Variants in ERI3 observed in about 807,000 individuals in gnomAD.
The protein encoded by ERI3 is ERI1 exoribonuclease family member 3.
A neutral mutation model predicts 44.4 loss-of-function variants in ERI3; 18 were observed. The ratio of observed to expected loss-of-function variants is 0.41; its 90% CI spans 0.28 to 0.60. The LOEUF is 0.60. Among genes scored for constraint, ERI3 ranks in the 20% least tolerant of loss-of-function variants. The pLI is 0.36. For synonymous variants in ERI3, 183 were observed against 164.8 expected (o/e 1.11, Z -0.84); for missense variants, 294 against 435.5 (o/e 0.68, Z 2.89).
chr1:44,269,866 C>T (rs1052409388), intron 7 of ERI3, among the ~76,000 whole-genome samples: 5 of 152,186 alleles, frequency 3.3e-5, no homozygotes, highest in Non-Finnish European at 5.9e-5. Context: ...AAAATAGGGA[C>T]AATAGCCCTC....
At position 44,241,993 on chromosome 1, in the gene ERI3, T is replaced by C. The variant is rs1004147186; in HGVS notation, c.931+5946A>G. On this transcript the variant is annotated intron_variant, in intron 8 of 8. Transcript: ENST00000372257. This position sits in a 1 kb window ranked among gnomAD's most constrained non-coding sequence, Gnocchi z 5.6. ...GTCTGGCAAGAACCAATTCCTCAGA[T>C]GTCTCTGGGGCTCCAAGGGGGTCAG... 3 of 985,576 alleles carry C rather than the reference T, an allele frequency of 3.0e-6. No individual in the cohort carries two copies. In the African/African-American group the frequency reaches 5.2e-5, roughly 17 times the overall value. The allele number at this position is 985,576 out of a possible 1,614,324, so 61.1% of individuals were successfully genotyped here.
intron 7 of ERI3, among the ~76,000 whole-genome samples, chr1:44,260,251 T>C (rs1389782479): frequency 6.6e-6 from 1 of 152,006 alleles, no homozygotes; most frequent in African/African-American, 2.4e-5. Context: ...AGACCCACAG[T>C]AGGGATTGAG....
intron 6 of ERI3, among the ~76,000 whole-genome samples, chr1:44,302,502 A>G (rs1645747785): frequency 6.6e-6 from 1 of 152,210 alleles, no homozygotes; most frequent in Non-Finnish European, 1.5e-5. Context: ...ACATAAATAC[A>G]GAATAGAGGT....
intron 7 of ERI3, among the ~76,000 whole-genome samples, 160 bp from the exon 8 acceptor site, chr1:44,248,198 C>G (rs1270373167): frequency 6.6e-6 from 1 of 152,056 alleles, no homozygotes; most frequent in African/African-American, 2.4e-5. Context: ...TCCCCAGACC[C>G]AGCAGAAACT....
chr1:44,247,625 C>T (rs1164075100), intron 8 of ERI3, among the ~76,000 whole-genome samples: 1 of 152,142 alleles, frequency 6.6e-6, no homozygotes, highest in African/African-American at 2.4e-5. Flanking sequence ...TGACATGTCC[C>T]CACCCACTGA....
rs201463005 is a variant in ERI3 at position 44,284,911 on chromosome 1, C to A, written c.759-4G>T. On this transcript the variant is annotated splice_region_variant and splice_polypyrimidine_tract_variant and intron_variant, in intron 6 of 8. Transcript: ENST00000372257. Reference sequence around the variant, plus strand: ...GTACTGGCACTGGCCTGGGAGCCTACAAAAAAAAGGGAAGAGAGAACAAGT... The same window carrying A: ...GTACTGGCACTGGCCTGGGAGCCTAAAAAAAAAAGGGAAGAGAGAACAAGT... The A allele has an allele frequency of 6.2e-7, 1 of 1,607,670 alleles. No homozygotes were observed. Among genetic ancestry groups the A allele is most frequent in the Admixed American group, 1.7e-5 (1 of 59,040 alleles).
At chr1:44,254,994 TTC>T (rs1644753321) in intron 7 of ERI3, among the ~76,000 whole-genome samples, 2 of 152,044 alleles carry the variant, frequency 1.3e-5, no homozygotes. Flanking sequence ...TTCACATAAC[TTC>T]TCTGTGTCTT....
At chr1:44,285,022 C>T in intron 6 of ERI3, 115 bp from the exon 7 acceptor site, 2 of 832,470 alleles carry the variant, frequency 2.4e-6, no homozygotes, top group East Asian at 2.6e-5. Context: ...AAAGGTCAAC[C>T]CATTAGCCAT....
At position 44,221,776 on chromosome 1, in the gene ERI3, C is replaced by T. The variant is rs1643903266; in HGVS notation, c.932-136G>A. The T allele has an allele frequency of 1.5e-6, 1 of 673,508 alleles. No individual in the cohort carries two copies. Among genetic ancestry groups the T allele is most frequent in the Middle Eastern group, 3.0e-4 (1 of 3,384 alleles). 41.7% of individuals were successfully genotyped at this position (673,508 alleles called of 1,614,324 possible). A position where few individuals can be genotyped will look rare whatever the true frequency, so the allele number is the denominator to read the frequency against. ...GCTTTAGAGAGGGTGGTCCCATCCC[C>T]TGGTGGCAGCATTCCTAGCTTCAGG... On this transcript the variant is annotated intron_variant, in intron 8 of 8. Coordinates refer to ENST00000372257, the MANE Select transcript of ERI3 (RefSeq NM_024066.3). The surrounding 1 kb of genome is among the most constrained non-coding windows in gnomAD (Gnocchi z 5.9).
chr1:44,229,742 G>A (rs993823023), intron 8 of ERI3, among the ~76,000 whole-genome samples: 7 of 139,684 alleles, frequency 5.0e-5, no homozygotes, highest in Non-Finnish European at 7.7e-5. Context: ...GCCTGGAAGC[G>A]GGAGCGGAGT....
chr1:44,310,776 A>G (rs1645938140), intron 5 of ERI3, among the ~76,000 whole-genome samples: 1 of 152,088 alleles, frequency 6.6e-6, no homozygotes, highest in Non-Finnish European at 1.5e-5. Flanking sequence ...CCAGAATATC[A>G]GAGCTGCTCC....
intron 7 of ERI3, among the ~76,000 whole-genome samples, chr1:44,264,587 C>T (rs1644954851): frequency 6.6e-6 from 1 of 152,226 alleles, no homozygotes; most frequent in African/African-American, 2.4e-5. Context: ...GTGGGGTCTC[C>T]TCCCTCCTTC....
intron 5 of ERI3, among the ~76,000 whole-genome samples, chr1:44,310,584 T>C (rs1645933306): frequency 6.6e-6 from 1 of 152,138 alleles, no homozygotes; most frequent in African/African-American, 2.4e-5. Flanking sequence ...CGGCCTCGTG[T>C]GCTCAGCAGG....
rs933370799 is a variant in ERI3 at position 44,221,230 on chromosome 1, TTGG to T, written c.*325_*327del. 6 of 374,842 alleles carry T rather than the reference TTGG, an allele frequency of 1.6e-5. No homozygotes were observed. Among genetic ancestry groups the T allele is most frequent in the African/African-American group, 1.2e-4 (6 of 48,014 alleles). The allele number at this position is 374,842 out of a possible 1,614,324, so 23.2% of individuals were successfully genotyped here. A position where few individuals can be genotyped will look rare whatever the true frequency, so the allele number is the denominator to read the frequency against. ...GGATGGGAGGGGGCACAGGAGGGGC[TTGG>T]TGGCCCCACAGAAGCCTGTGTACCA... is the stretch of plus-strand genomic sequence containing the variant. On this transcript the variant is annotated 3_prime_UTR_variant, in exon 9 of 9. Transcript: ENST00000372257. The surrounding 1 kb of genome is among the most constrained non-coding windows in gnomAD (Gnocchi z 5.9).
chr1:44,344,343 A>G (rs946808032), intron 2 of ERI3, among the ~76,000 whole-genome samples: 1 of 152,228 alleles, frequency 6.6e-6, no homozygotes, highest in Non-Finnish European at 1.5e-5. Flanking sequence ...TCACACAGAC[A>G]GTATTTGAAG....
intron 6 of ERI3, among the ~76,000 whole-genome samples, chr1:44,293,780 A>G (rs1022344814): frequency 3.1e-4 from 47 of 152,180 alleles, no homozygotes; most frequent in Non-Finnish European, 8.8e-5. Context: ...TTCTTTGAGG[A>G]AGGGCTGATC....
chr1:44,282,866 C>T (rs747359954), intron 7 of ERI3, among the ~76,000 whole-genome samples: 28 of 152,176 alleles, frequency 1.8e-4, no homozygotes, highest in Non-Finnish European at 3.5e-4. Flanking sequence ...GCACAGTCTG[C>T]AGGGGAACCA....
At chr1:44,326,139 C>G (rs959568528) in intron 3 of ERI3, among the ~76,000 whole-genome samples, 4 of 152,200 alleles carry the variant, frequency 2.6e-5, no homozygotes, top group African/African-American at 9.7e-5. Flanking sequence ...CTTCAACCCT[C>G]GGAAGAAAAT....
chr1:44,268,155 T>G (rs1215954949), intron 7 of ERI3, among the ~76,000 whole-genome samples: 1 of 152,190 alleles, frequency 6.6e-6, no homozygotes, highest in Non-Finnish European at 1.5e-5. Context: ...CCACTTCTAT[T>G]GTGTTTTTCC....
Sources: gnomAD v4.1 joint callset for allele counts (sites outside exome capture counted in the v4.1 genomes callset) on GRCh38, gnomAD v4.1.1 for gene constraint, Gnocchi (gnomAD v3.1) non-coding constraint, MANE v1.5 for transcripts, NCBI Gene and HGNC (gene_info 2026-07-23, HGNC 2026-07-21) for gene names.